KLF8: variants seen among roughly 807,000 people sequenced by gnomAD.
KLF8 encodes KLF transcription factor 8, also known as Krueppel-like factor 8.
In KLF8, 10 loss-of-function variants were observed where a neutral mutation model predicts 18.2. The observed-to-expected ratio is 0.55, with a 90% confidence interval of 0.34 to 0.93. KLF8 has a LOEUF of 0.93. Among genes scored for constraint, KLF8 ranks in the 40% least tolerant of loss-of-function variants. KLF8 has a pLI of 0.02. For missense variants in KLF8, 264 were observed against 277.9 expected (o/e 0.95, Z 0.36); for synonymous variants, 109 against 97.3 (o/e 1.12, Z -0.71).
the KLF8 span, among the ~76,000 whole-genome samples, chrX:56,220,708 G>A: frequency 9.9e-5 from 11 of 111,084 alleles, 1 homozygote; most frequent in Middle Eastern, 0.028. Context: ...GGCTGATCTC[G>A]AACTCCTGAC....
At chrX:56,113,294 A>G in the KLF8 span, among the ~76,000 whole-genome samples, 1 of 107,689 alleles carries the variant, frequency 9.3e-6, no homozygotes, top group African/African-American at 3.4e-5. Flanking sequence ...TAAATAGGCC[A>G]TACTTTCATG....
chrX:56,169,532 C>T, the KLF8 span, among the ~76,000 whole-genome samples: 1 of 111,081 alleles, frequency 9.0e-6, no homozygotes, highest in African/African-American at 3.3e-5. Context: ...CTTAAGAGAA[C>T]ATAAGCAGTA....
chrX:55,942,705 C>A, the KLF8 span, among the ~76,000 whole-genome samples: 15 of 111,014 alleles, frequency 1.4e-4, no homozygotes, highest in East Asian at 4.3e-3. Flanking sequence ...CATCTTTAGG[C>A]TGGTTCCTAG....
chrX:56,053,861 T>C, the KLF8 span, among the ~76,000 whole-genome samples: 3 of 111,269 alleles, frequency 2.7e-5, no homozygotes, highest in Non-Finnish European at 5.7e-5. Context: ...ATCCATTTCA[T>C]AGTTTTTGAT....
intron 1 of KLF8, among the ~76,000 whole-genome samples, chrX:56,246,119 A>G (rs2066619679): frequency 9.0e-6 from 1 of 111,464 alleles, no homozygotes; most frequent in South Asian, 3.8e-4. Flanking sequence ...GACATTATTA[A>G]TTGTCAGCTC....
the KLF8 span, among the ~76,000 whole-genome samples, chrX:55,990,118 T>A: frequency 8.8e-4 from 98 of 111,966 alleles, no homozygotes; most frequent in African/African-American, 3.1e-3. Context: ...GTCTTGCTAG[T>A]GATCTATCAA....
the KLF8 span, among the ~76,000 whole-genome samples, chrX:56,183,299 A>G: frequency 8.9e-6 from 1 of 112,176 alleles, no homozygotes. Flanking sequence ...CTGGTTCCCC[A>G]TTTACTAAGA....
the KLF8 span, among the ~76,000 whole-genome samples, chrX:56,042,987 G>A: frequency 1.9e-4 from 21 of 111,965 alleles, no homozygotes; most frequent in African/African-American, 5.5e-4. Flanking sequence ...GCTTCCTTCA[G>A]GACCTCTTGC....
the KLF8 span, among the ~76,000 whole-genome samples, chrX:56,202,306 A>G: frequency 2.7e-5 from 3 of 109,382 alleles, no homozygotes; most frequent in Non-Finnish European, 5.7e-5. Context: ...TTGTGGGTAC[A>G]TAGTAGGTGT....
At chrX:56,113,424 G>A in the KLF8 span, among the ~76,000 whole-genome samples, 1 of 109,526 alleles carries the variant, frequency 9.1e-6, no homozygotes, top group East Asian at 2.8e-4. Flanking sequence ...CTTGTTATGA[G>A]CTGTGGGCTT....
chrX:56,192,718 C>T, the KLF8 span, among the ~76,000 whole-genome samples: 1 of 112,255 alleles, frequency 8.9e-6, no homozygotes, highest in Non-Finnish European at 1.9e-5. Flanking sequence ...GGGAATGGAA[C>T]ATCTCTTCAA....
the KLF8 span, among the ~76,000 whole-genome samples, chrX:56,176,257 T>C: frequency 1.8e-5 from 2 of 111,957 alleles, no homozygotes; most frequent in Admixed American, 1.9e-4. Context: ...TTCCTTTCCA[T>C]GTTTAGTGCT....
chrX:56,163,768 T>C, the KLF8 span, among the ~76,000 whole-genome samples: 1 of 112,366 alleles, frequency 8.9e-6, no homozygotes, highest in Admixed American at 9.5e-5. Flanking sequence ...CTTGAGTTAA[T>C]TTTTGTATAT....
At chrX:55,941,296 C>A in the KLF8 span, among the ~76,000 whole-genome samples, 2 of 112,001 alleles carry the variant, frequency 1.8e-5, no homozygotes, top group Non-Finnish European at 3.8e-5. Context: ...ATAAATGGTG[C>A]TAGGAAAACT....
At chrX:56,115,124 A>T in the KLF8 span, among the ~76,000 whole-genome samples, 291 of 110,251 alleles carry the variant, frequency 2.6e-3, no homozygotes, top group African/African-American at 9.1e-3. Context: ...TTATTTATTT[A>T]TTTTTTTGGC....
the KLF8 span, among the ~76,000 whole-genome samples, chrX:55,930,994 G>T: frequency 9.0e-6 from 1 of 111,651 alleles, no homozygotes; most frequent in Non-Finnish European, 1.9e-5. Flanking sequence ...GTAGAATTTG[G>T]CTGTGAATCC....
chrX:56,230,438 T>C (rs1346748470), upstream of KLF8, among the ~76,000 whole-genome samples: 2 of 112,026 alleles, frequency 1.8e-5, no homozygotes, highest in African/African-American at 6.5e-5. Flanking sequence ...CATAGAGAGT[T>C]GTACACTTCT....
At chrX:56,048,787 A>T in the KLF8 span, among the ~76,000 whole-genome samples, 1 of 111,425 alleles carries the variant, frequency 9.0e-6, no homozygotes, top group African/African-American at 3.3e-5. Context: ...TAAAGTAGCT[A>T]TTTCCAATTC....
chrX:56,102,132 G>T, the KLF8 span, among the ~76,000 whole-genome samples: 93 of 111,188 alleles, frequency 8.4e-4, no homozygotes, highest in African/African-American at 2.8e-3. Context: ...TTTGTTTATG[G>T]TGAAAGCTAT....
Sources: allele counts gnomAD v4.1 joint callset (sites outside exome capture counted in the v4.1 genomes callset), GRCh38; gene constraint gnomAD v4.1.1; transcripts MANE v1.5; gene names NCBI Gene and HGNC (gene_info 2026-07-23, HGNC 2026-07-21).